The following EVC variants were observed in gnomAD, a reference collection of about 807,000 sequenced individuals.
EVC encodes the protein evC complex member EVC.
In EVC, 116 loss-of-function variants were observed where a neutral mutation model predicts 118.9. That is an observed-to-expected ratio of 0.98 (90% confidence interval 0.84 to 1.14). EVC has a LOEUF of 1.14. Ranked by LOEUF, EVC falls within the 50% of genes most tolerant of loss-of-function variation. EVC has a pLI of 0.00. For missense variants in EVC, 1,401 were observed against 1,246.4 expected, an observed-to-expected ratio of 1.12 and a Z score of -1.87; for synonymous variants, 619 against 534.7, an observed-to-expected ratio of 1.16 and a Z score of -2.18.
At chr4:5,767,331 C>T (rs1350984969) in intron 11 of EVC, among the ~76,000 whole-genome samples, 1 of 131,204 alleles carries the variant, frequency 7.6e-6, no homozygotes, top group African/African-American at 2.6e-5. Context: ...TTTAAGTCTG[C>T]AGAGGTTACT....
At chr4:5,827,358 C>T in the EVC span, among the ~76,000 whole-genome samples, 1 of 152,166 alleles carries the variant, frequency 6.6e-6, no homozygotes, top group African/African-American at 2.4e-5. Flanking sequence ...TTGTTTCCAC[C>T]CCATCCCTTG....
At chr4:5,780,937 A>T (rs920032250) in intron 11 of EVC, among the ~76,000 whole-genome samples, 1 of 152,234 alleles carries the variant, frequency 6.6e-6, no homozygotes, top group East Asian at 1.9e-4. Context: ...GTCACACAGG[A>T]TGCACTTAAT....
intron 11 of EVC, among the ~76,000 whole-genome samples, chr4:5,772,779 A>G (rs3912216): frequency 0.37 from 56,664 of 151,886 alleles, 10,857 homozygotes; most frequent in Admixed American, 0.48. Context: ...CTTCCAGCTG[A>G]CCTCAGATGT....
At chr4:5,791,101 G>A (rs1275851472) in intron 12 of EVC, among the ~76,000 whole-genome samples, 57 of 151,724 alleles carry the variant, frequency 3.8e-4, no homozygotes, top group Admixed American at 3.7e-3. Context: ...ATCTCAAAAA[G>A]AAAAAAAGAA....
chr4:5,715,730 T>C (rs1401704684), intron 1 of EVC, among the ~76,000 whole-genome samples: 2 of 142,724 alleles, frequency 1.4e-5, no homozygotes, highest in African/African-American at 5.3e-5. Flanking sequence ...CGAAGGCATT[T>C]TTCCATTGTC....
chr4:5,712,220 G>C (rs1325124700), intron 1 of EVC, among the ~76,000 whole-genome samples: 3 of 152,338 alleles, frequency 2.0e-5, no homozygotes, highest in Non-Finnish European at 2.9e-5. Context: ...CTGTGTACCA[G>C]GCACTGAACT....
chr4:5,788,971 C>T (rs895273228), intron 12 of EVC, among the ~76,000 whole-genome samples: 2 of 152,130 alleles, frequency 1.3e-5, no homozygotes, highest in Non-Finnish European at 2.9e-5. Flanking sequence ...CAGTGTGGCC[C>T]GGGGAAGTCA....
intron 19 of EVC, among the ~76,000 whole-genome samples, chr4:5,810,111 G>T (rs1716647680): frequency 6.6e-6 from 1 of 152,224 alleles, no homozygotes; most frequent in Non-Finnish European, 1.5e-5. Context: ...TGGAGCTCAA[G>T]CCACAGCTCT....
chr4:5,717,964 C>G (rs1236971378), intron 1 of EVC, among the ~76,000 whole-genome samples: 1 of 152,214 alleles, frequency 6.6e-6, no homozygotes, highest in Non-Finnish European at 1.5e-5. Context: ...TTCCCAGTAC[C>G]TAGAACAAGG....
At position 5,802,118 on chromosome 4, in the gene EVC, G is replaced by GC. The variant is rs1193910422; in HGVS notation, c.2449+28dup. 1.9e-6 allele frequency: 3 copies of GC among 1,613,978 alleles called. No individual in the cohort carries two copies. The Admixed American group carries it at 5.0e-5, about 27-fold the overall frequency. ...GGGTACGGGACCCCCCCTCAGGGAA[G>GC]CCCCAGAAGAGACTGGCAATGTGTG... is the stretch of plus-strand genomic sequence containing the variant. On this transcript the variant is annotated intron_variant, in intron 16 of 20. Transcript: ENST00000264956.
intron 7 of EVC, among the ~76,000 whole-genome samples, chr4:5,747,469 A>G (rs979943547): frequency 2.0e-5 from 3 of 152,204 alleles, no homozygotes; most frequent in Non-Finnish European, 4.4e-5. Flanking sequence ...TACATACTTT[A>G]TCATGATATC....
chr4:5,760,789 T>C (rs1454423249), intron 11 of EVC, among the ~76,000 whole-genome samples: 4 of 152,138 alleles, frequency 2.6e-5, no homozygotes, highest in Non-Finnish European at 5.9e-5. Flanking sequence ...TGACCTCAGG[T>C]GATCCACTCG....
chr4:5,741,606 A>G, intron 5 of EVC, 110 bp from the exon 6 acceptor site: 1 of 658,840 alleles, frequency 1.5e-6, no homozygotes, highest in Non-Finnish European at 2.8e-6. Flanking sequence ...AGAGAAGAAA[A>G]GAAGGAGAGA....
chr4:5,827,350 G>A, the EVC span, among the ~76,000 whole-genome samples: 1 of 152,146 alleles, frequency 6.6e-6, no homozygotes, highest in Non-Finnish European at 1.5e-5. Flanking sequence ...GATCTGACTT[G>A]TTTCCACCCC....
rs969828686 is a variant in EVC at position 5,754,097 on chromosome 4, C to T, written c.1464+164C>T. 3.9e-5 allele frequency among the ~76,000 whole-genome samples: 6 copies of T among 152,184 alleles called. No individual in the cohort carries two copies. The highest frequency in any genetic ancestry group is 1.4e-4 in the African/African-American group (6 of 41,440). On this transcript the variant is annotated intron_variant, in intron 10 of 20. Coordinates refer to ENST00000264956, the MANE Select transcript of EVC (RefSeq NM_153717.3). This position sits in a 1 kb window ranked among gnomAD's most constrained non-coding sequence, Gnocchi z 5.8. ...ATCTCAGTCCCTTAGCCCCTACATCCCTAGGGTCCTAGTGGACTGTAAGCT... is the reference window on the plus strand; with the variant it reads ...ATCTCAGTCCCTTAGCCCCTACATCTCTAGGGTCCTAGTGGACTGTAAGCT...
chr4:5,716,224 G>A (rs967304421), intron 1 of EVC, among the ~76,000 whole-genome samples: 2 of 152,218 alleles, frequency 1.3e-5, no homozygotes, highest in African/African-American at 4.8e-5. Flanking sequence ...TTCCAGGTGA[G>A]GTTTTTAAAG....
At chr4:5,794,065 A>G (rs950497269) in intron 13 of EVC, among the ~76,000 whole-genome samples, 24 of 151,836 alleles carry the variant, frequency 1.6e-4, no homozygotes, top group African/African-American at 5.3e-4. Flanking sequence ...AAAAATTGCT[A>G]CAACGCAATT....
chr4:5,824,142 A>G, the EVC span: 1 of 240,066 alleles, frequency 4.2e-6, no homozygotes, highest in Non-Finnish European at 6.7e-6. Context: ...GTCCATGTTT[A>G]ATTGCAATTG....
chr4:5,828,222 C>T, the EVC span: 11 of 985,406 alleles, frequency 1.1e-5, no homozygotes, highest in East Asian at 2.3e-4. Flanking sequence ...GCTTGGTAAG[C>T]GTCCCTCCCA....
Sources: gnomAD v4.1 joint callset for allele counts (sites outside exome capture counted in the v4.1 genomes callset) on GRCh38, gnomAD v4.1.1 for gene constraint, Gnocchi (gnomAD v3.1) non-coding constraint, MANE v1.5 for transcripts, NCBI Gene and HGNC (gene_info 2026-07-23, HGNC 2026-07-21) for gene names.